LRBA: variants seen among roughly 807,000 people sequenced by gnomAD.
The protein encoded by LRBA is lipopolysaccharide-responsive and beige-like anchor protein.
LRBA carries 176 observed loss-of-function variants against 330.0 expected under a neutral mutation model. The observed-to-expected ratio is 0.53, with a 90% CI of 0.47 to 0.60. The LOEUF is 0.60. LRBA is among the 20% of genes least tolerant of loss of function. The pLI, the probability that LRBA is intolerant of heterozygous loss-of-function variation, is 0.00. For missense variants in LRBA, 3,259 were observed against 3,444.8 expected, an observed-to-expected ratio of 0.95 and a Z score of 1.35; for synonymous variants, 1,230 against 1,193.0, an observed-to-expected ratio of 1.03 and a Z score of -0.64.
chr4:150,840,922 T>C, intron 28 of LRBA: 1 of 1,103,482 alleles, frequency 9.1e-7, no homozygotes. Flanking sequence ...TTGGATATAA[T>C]CAGTTTCAGA....
At chr4:150,646,685 G>T (rs1298854924) in intron 37 of LRBA, among the ~76,000 whole-genome samples, 1 of 152,068 alleles carries the variant, frequency 6.6e-6, no homozygotes, top group Non-Finnish European at 1.5e-5. Context: ...CAAAGTGTTA[G>T]CAGAAGGAGA....
At chr4:150,483,961 T>A (rs554162154) in intron 42 of LRBA, among the ~76,000 whole-genome samples, 158 of 152,236 alleles carry the variant, frequency 1.0e-3, no homozygotes, top group Middle Eastern at 3.4e-3. Flanking sequence ...AATTGAGTTT[T>A]ATATACTGAC....
At chr4:150,856,127 G>C (rs888010229) in intron 22 of LRBA, among the ~76,000 whole-genome samples, 1 of 152,140 alleles carries the variant, frequency 6.6e-6, no homozygotes, top group Non-Finnish European at 1.5e-5. Flanking sequence ...GAAGTAGGTC[G>C]AAGCACAGCA....
At chr4:150,509,812 C>A (rs1761624761) in intron 40 of LRBA, among the ~76,000 whole-genome samples, 1 of 152,106 alleles carries the variant, frequency 6.6e-6, no homozygotes. Flanking sequence ...ATAGTTTGGA[C>A]TACTTTGATG....
intron 46 of LRBA, among the ~76,000 whole-genome samples, chr4:150,421,789 T>C (rs941054141): frequency 6.6e-6 from 1 of 152,152 alleles, no homozygotes; most frequent in Non-Finnish European, 1.5e-5. Flanking sequence ...CCCAGCGTCT[T>C]GGTGTCTGTG....
chr4:150,501,242 T>C (rs1461355356), intron 40 of LRBA, among the ~76,000 whole-genome samples: 1 of 152,186 alleles, frequency 6.6e-6, no homozygotes, highest in African/African-American at 2.4e-5. Context: ...GTCTTAGTCA[T>C]CTTTCTATTC....
At chr4:150,897,896 A>G in intron 14 of LRBA, 78 bp from the exon 15 acceptor site, 1 of 941,202 alleles carries the variant, frequency 1.1e-6, no homozygotes, top group South Asian at 1.4e-5. Flanking sequence ...TCTCATTCCC[A>G]ACAGCTTTTC....
Position 150,269,704 on chromosome 4 carries a change from G to A in LRBA, c.8469-3892C>T, listed in dbSNP as rs78929781. ...TTATGGCTATAATCCCATCCCTTTG[G>A]GTGGCTGAGTCAGCAGGATTGTTTG... On this transcript the variant is annotated intron_variant, in intron 56 of 56. Coordinates refer to ENST00000651943, the MANE Select transcript of LRBA (RefSeq NM_001364905.1). 5.1e-3 allele frequency among the ~76,000 whole-genome samples: 777 copies of A among 152,224 alleles called. 7 individuals carry two copies. Among genetic ancestry groups the A allele is most frequent in the African/African-American group, 0.018 (744 of 41,526 alleles).
chr4:150,804,233 A>C (rs943936406), intron 33 of LRBA, among the ~76,000 whole-genome samples: 1 of 152,206 alleles, frequency 6.6e-6, no homozygotes, highest in African/African-American at 2.4e-5. Context: ...AATAGATCTA[A>C]GGAAATTGCT....
chr4:150,445,377 C>CTCTCTCTCTCTCTCTA (rs1454079183), intron 44 of LRBA, among the ~76,000 whole-genome samples: 14 of 78,630 alleles, frequency 1.8e-4, no homozygotes, highest in Non-Finnish European at 2.7e-4. Context: ...CTCTCTCTCT[C>CTCTCTCTCTCTCTCTA]TATATATATA....
At chr4:150,353,958 C>A (rs1197793278) in intron 47 of LRBA, among the ~76,000 whole-genome samples, 1 of 152,048 alleles carries the variant, frequency 6.6e-6, no homozygotes, top group Non-Finnish European at 1.5e-5. Flanking sequence ...TAAGAGAATT[C>A]CAAGAAGTTT....
intron 40 of LRBA, chr4:150,579,628 C>A (rs1323628881): frequency 4.4e-6 from 2 of 456,330 alleles, no homozygotes; most frequent in Admixed American, 2.4e-5. Context: ...GGCAAGGATG[C>A]GAGAAAACTT....
chr4:150,336,618 CAAAT>C (rs1210730389), intron 48 of LRBA, among the ~76,000 whole-genome samples: 29 of 152,194 alleles, frequency 1.9e-4, no homozygotes, highest in African/African-American at 6.0e-4. Flanking sequence ...CATATCTACT[CAAAT>C]AATATTATTA....
At chr4:150,465,829 A>C (rs896055181) in intron 44 of LRBA, among the ~76,000 whole-genome samples, 4 of 152,210 alleles carry the variant, frequency 2.6e-5, no homozygotes, top group Middle Eastern at 6.8e-3. Context: ...AACTGGTACA[A>C]TTTCTTAGCT....
intron 41 of LRBA, among the ~76,000 whole-genome samples, chr4:150,488,953 CATATA>C (rs1435524044): frequency 3.7e-4 from 46 of 124,994 alleles, no homozygotes; most frequent in African/African-American, 4.5e-4. Flanking sequence ...ATATATATAA[CATATA>C]ATATATTATA....
At chr4:150,271,316 T>G (rs1352695727) in intron 56 of LRBA, among the ~76,000 whole-genome samples, 3 of 151,388 alleles carry the variant, frequency 2.0e-5, no homozygotes, top group Non-Finnish European at 3.0e-5. Flanking sequence ...TGCAGGAGTT[T>G]TTTTTTTTTT....
chr4:150,408,547 T>C (rs1581227129), intron 47 of LRBA, among the ~76,000 whole-genome samples: 2 of 152,166 alleles, frequency 1.3e-5, no homozygotes, highest in Non-Finnish European at 2.9e-5. Context: ...TCTATGAGAC[T>C]AGTATTACCC....
intron 47 of LRBA, among the ~76,000 whole-genome samples, chr4:150,380,526 T>G (rs1742049113): frequency 6.6e-6 from 1 of 151,924 alleles, no homozygotes; most frequent in Non-Finnish European, 1.5e-5. Context: ...GGATCTGCAT[T>G]TTAAACAAAC....
Position 150,555,406 on chromosome 4 carries a change from C to T in LRBA, c.6330+32642G>A, listed in dbSNP as rs115421037. ...CTTGCAGCTAATCTATATTCATAAA[C>T]GACACTACTATGCTAGCTCATCAAG... On this transcript the variant is annotated intron_variant, in intron 40 of 56. Coordinates refer to ENST00000651943, the MANE Select transcript of LRBA (RefSeq NM_001364905.1). Among the ~76,000 whole-genome samples, 1,167 of 152,208 alleles carry T rather than the reference C, an allele frequency of 7.7e-3. 7 individuals are homozygous for T. Among genetic ancestry groups the T allele is most frequent in the Non-Finnish European group, 0.013 (888 of 68,016 alleles).
Sources: allele counts gnomAD v4.1 joint callset (sites outside exome capture counted in the v4.1 genomes callset), GRCh38; gene constraint gnomAD v4.1.1; transcripts MANE v1.5; gene names NCBI Gene and HGNC (gene_info 2026-07-23, HGNC 2026-07-21).